Variants in IL18RAP observed in about 807,000 individuals in gnomAD.
IL18RAP encodes the protein interleukin 18 receptor accessory protein.
A neutral mutation model predicts 58.1 loss-of-function variants in IL18RAP; 37 were observed. The ratio of observed to expected loss-of-function variants is 0.64; its 90% CI spans 0.49 to 0.84. The LOEUF is 0.84. IL18RAP is among the 40% of genes least tolerant of loss of function. IL18RAP has a pLI of 0.00. For missense variants in IL18RAP, 667 were observed against 704.8 expected, an observed-to-expected ratio of 0.95 and a Z score of 0.61; for synonymous variants, 268 against 257.5, an observed-to-expected ratio of 1.04 and a Z score of -0.39.
chr2:102,448,998 G>T (rs1237473704), intron 8 of IL18RAP, among the ~76,000 whole-genome samples: 1 of 146,372 alleles, frequency 6.8e-6, no homozygotes, highest in Admixed American at 6.9e-5. Context: ...ACCGGGAGCA[G>T]TGGCTCACAT....
intron 3 of IL18RAP, among the ~76,000 whole-genome samples, chr2:102,432,522 G>A (rs528315738): frequency 6.6e-6 from 1 of 152,208 alleles, no homozygotes; most frequent in Non-Finnish European, 1.5e-5. Context: ...GGCAAAGTTA[G>A]TTATCTGGGA....
upstream of IL18RAP, among the ~76,000 whole-genome samples, chr2:102,421,237 A>G (rs1395347968): frequency 6.6e-6 from 1 of 151,954 alleles, no homozygotes; most frequent in East Asian, 1.9e-4. Flanking sequence ...GACAAAAGTC[A>G]TTTAAAATGA....
Position 102,423,292 on chromosome 2 carries a change from C to A in IL18RAP, c.15C>A (p.Gly5=). The A allele has an allele frequency of 6.2e-7, 1 of 1,613,980 alleles. No homozygotes were observed. The highest frequency in any genetic ancestry group is 1.3e-5 in the African/African-American group (1 of 75,006). MLCL[G]WIFLWLVAGE... is the part of the protein sequence containing the mutation. ...ACGGGAGAACAATGCTCTGTTTGGG[C>A]TGGATATTTCTTTGGCTTGTTGCAG... Residue 5 remains glycine, a synonymous_variant, in exon 1 of 10, where the codon GGC becomes GGA. Transcript: ENST00000687160.
intron 3 of IL18RAP, chr2:102,434,725 G>A (rs1157532474): frequency 6.6e-6 from 1 of 152,160 alleles, no homozygotes; most frequent in Non-Finnish European, 1.5e-5. Context: ...GTTTAACAGA[G>A]AGATCATGAG....
At chr2:102,420,007 G>C (rs868779488), upstream of IL18RAP, among the ~76,000 whole-genome samples, 1 of 152,322 alleles carries the variant, frequency 6.6e-6, no homozygotes. Flanking sequence ...CATTTTGGTG[G>C]CTCCTTCCGA....
intron 8 of IL18RAP, among the ~76,000 whole-genome samples, chr2:102,450,288 A>G (rs894130925): frequency 2.6e-5 from 4 of 152,254 alleles, no homozygotes; most frequent in Admixed American, 2.0e-4. Flanking sequence ...TGCACCTCCT[A>G]TGAGCCAGGC....
chr2:102,427,793 T>C (rs1369929459), intron 3 of IL18RAP, among the ~76,000 whole-genome samples: 1 of 152,046 alleles, frequency 6.6e-6, no homozygotes, highest in Non-Finnish European at 1.5e-5. Context: ...CTGTAGAGCT[T>C]TCCCTCTATG....
rs192924476 is a variant in IL18RAP at position 102,427,774 on chromosome 2, A to G, written c.579+3360A>G. ...GTCATATTCAAAAGAATATTTGCCCATAACAGTGCTGTAGAGCTTTCCCTC... is the reference window on the plus strand; with the variant it reads ...GTCATATTCAAAAGAATATTTGCCCGTAACAGTGCTGTAGAGCTTTCCCTC... On this transcript the variant is annotated intron_variant, in intron 3 of 9. Transcript: ENST00000687160. Among the ~76,000 whole-genome samples, 11 of 152,166 alleles carry G rather than the reference A, an allele frequency of 7.2e-5. No homozygotes were observed. The East Asian group carries it at 1.9e-3, about 27-fold the overall frequency.
At chr2:102,446,371 T>G (rs1683415305) in intron 7 of IL18RAP, among the ~76,000 whole-genome samples, 1 of 152,072 alleles carries the variant, frequency 6.6e-6, no homozygotes, top group East Asian at 1.9e-4. Context: ...CTGAAAATCT[T>G]TAGATTTTTG....
rs564848851 is a variant in IL18RAP at position 102,451,298 on chromosome 2, A to T, written c.1384+277A>T. Among the ~76,000 whole-genome samples, 487 of 152,352 alleles carry T rather than the reference A, an allele frequency of 3.2e-3. 4 individuals are homozygous for T. Among genetic ancestry groups the T allele is most frequent in the Middle Eastern group, 0.014 (4 of 294 alleles). ...TTCGCAGCTGAAGGCTGCGAAGTGA[A>T]CTACTCGCTCACCCCAATTTAGTGG... On this transcript the variant is annotated intron_variant, in intron 9 of 9. Coordinates refer to ENST00000687160, the MANE Select transcript of IL18RAP (RefSeq NM_001393487.1).
At chr2:102,434,969 TA>T (rs1290509105) in intron 3 of IL18RAP, 2 of 152,096 alleles carry the variant, frequency 1.3e-5, no homozygotes, top group African/African-American at 4.8e-5. Flanking sequence ...CCATTATCAA[TA>T]ATTTCCATAA....
intron 3 of IL18RAP, among the ~76,000 whole-genome samples, chr2:102,430,832 C>CCGCT (rs1682299166): frequency 6.6e-6 from 1 of 152,110 alleles, no homozygotes; most frequent in South Asian, 2.1e-4. Flanking sequence ...CATTTCCTCC[C>CCGCT]CGCTACCTTT....
intron 4 of IL18RAP, among the ~76,000 whole-genome samples, chr2:102,437,693 T>A (rs758368190): frequency 6.6e-6 from 1 of 152,204 alleles, no homozygotes; most frequent in Non-Finnish European, 1.5e-5. Flanking sequence ...ATGTTACCAT[T>A]TTCCCACATG....
intron 3 of IL18RAP, chr2:102,434,867 G>A (rs1682626712): frequency 6.6e-6 from 1 of 152,144 alleles, no homozygotes; most frequent in African/African-American, 2.4e-5. Flanking sequence ...ATGCAAGCTG[G>A]CTGATATTAA....
In IL18RAP at chr2:102,424,131, A is replaced by G. The variant is rs1189644385; in HGVS notation, c.391A>G (p.Ile131Val). ...GTCATATATTTGTAGACCCAAGATG[A>G]TTAAGTATGATCCAAATACATTTCT... ...SGSYICRPKMIKSPYDVACCV... is the reference protein window; with the variant it reads ...SGSYICRPKMVKSPYDVACCV... Residue 131 changes from isoleucine (I) to valine (V), a missense_variant, in exon 2 of 10, where the codon ATT becomes GTT. Physicochemically the swap from Ile to Val is conservative, Grantham distance 29 (BLOSUM62 3). Transcript: ENST00000687160. 1 of 1,610,598 alleles carries G rather than the reference A, an allele frequency of 6.2e-7. No individual in the cohort carries two copies. Among genetic ancestry groups the G allele is most frequent in the Non-Finnish European group, 8.5e-7 (1 of 1,177,650 alleles).
At chr2:102,431,161 T>C (rs940646777) in intron 3 of IL18RAP, among the ~76,000 whole-genome samples, 1 of 152,206 alleles carries the variant, frequency 6.6e-6, no homozygotes, top group Non-Finnish European at 1.5e-5. Flanking sequence ...GAAAGTTTAA[T>C]TTCCCTCTCA....
At chr2:102,445,039 TGACCA>T in intron 6 of IL18RAP, 145 bp from the exon 7 acceptor site, 4 of 610,148 alleles carry the variant, frequency 6.6e-6, no homozygotes, top group Admixed American at 3.0e-5. Flanking sequence ...GAGCCCTTTT[TGACCA>T]TCTTACATTC....
At chr2:102,421,506 C>T (rs921004477), upstream of IL18RAP, among the ~76,000 whole-genome samples, 10 of 152,240 alleles carry the variant, frequency 6.6e-5, no homozygotes, top group East Asian at 1.9e-4. Flanking sequence ...ACTGTTCTTT[C>T]GGAGACTTTG....
Position 102,443,328 on chromosome 2 carries a change from G to T in IL18RAP, c.920+5G>T. 6.2e-7 allele frequency: 1 copy of T among 1,608,694 alleles called. No homozygotes were observed. On this transcript the variant is annotated splice_donor_5th_base_variant and intron_variant, in intron 6 of 9. Transcript: ENST00000687160. ...CTCAGTACCTGAGGCGAAAAGGTAA[G>T]AAAAAAACTCACGGATTCTGTTCTC... is the stretch of plus-strand genomic sequence containing the variant.
Sources: allele counts gnomAD v4.1 joint callset (sites outside exome capture counted in the v4.1 genomes callset), GRCh38; gene constraint gnomAD v4.1.1; transcripts MANE v1.5; gene names NCBI Gene and HGNC (gene_info 2026-07-23, HGNC 2026-07-21).